TRPM3: variants seen among roughly 807,000 people sequenced by gnomAD.
TRPM3 encodes long transient receptor potential channel 3.
In TRPM3, 77 loss-of-function variants were observed where a neutral mutation model predicts 181.2. That is an observed-to-expected ratio of 0.42 (90% CI 0.35 to 0.51). TRPM3 has a LOEUF of 0.51. TRPM3 is among the 20% of genes least tolerant of loss of function. The probability of loss-of-function intolerance (pLI) is 0.01; values close to 1 mark genes in which losing one functional copy is unlikely to be tolerated. For synonymous variants in TRPM3, 745 were observed against 796.4 expected (o/e 0.94, Z 1.09); for missense variants, 1,759 against 2,196.7 (o/e 0.80, Z 3.98).
At chr9:71,181,259 T>C (rs1240496788) in intron 1 of TRPM3, among the ~76,000 whole-genome samples, 1 of 152,112 alleles carries the variant, frequency 6.6e-6, no homozygotes, top group East Asian at 1.9e-4. Flanking sequence ...TACAGCTCAC[T>C]ACAACTTTGA....
intron 1 of TRPM3, among the ~76,000 whole-genome samples, chr9:71,374,438 A>T (rs1217022922): frequency 2.0e-5 from 3 of 152,082 alleles, no homozygotes. Flanking sequence ...GTATTAAGAG[A>T]TTATACCTCA....
rs559972421 is a variant in TRPM3, at chr9:71,241,165, T to C, written c.183+205488A>G. On this transcript the variant is annotated intron_variant, in intron 1 of 24. Transcript: ENST00000357533. Reference sequence around the variant, plus strand: ...TCTAATAGTTCGTCTAAGTGCAACATCCTCCAAACAGACCTTGAACCTCAG... The same window carrying C: ...TCTAATAGTTCGTCTAAGTGCAACACCCTCCAAACAGACCTTGAACCTCAG... Among the ~76,000 whole-genome samples the C allele has an allele frequency of 4.6e-5, 7 of 152,222 alleles. No homozygotes were observed. In the East Asian group the frequency reaches 1.4e-3, roughly 30 times the overall value.
intron 1 of TRPM3, among the ~76,000 whole-genome samples, chr9:70,909,587 G>T (rs1300337120): frequency 6.6e-6 from 1 of 152,146 alleles, no homozygotes; most frequent in Non-Finnish European, 1.5e-5. Context: ...CCAAAAGGTA[G>T]GGGTTAGAAG....
chr9:70,640,482 C>G, intron 10 of TRPM3, 78 bp downstream of exon 10: 3 of 1,107,322 alleles, frequency 2.7e-6, no homozygotes, highest in Non-Finnish European at 4.0e-6. Flanking sequence ...GTTTTCTGAG[C>G]TGACCTCAGA....
At chr9:70,915,266 A>G (rs530900976) in intron 1 of TRPM3, among the ~76,000 whole-genome samples, 133 of 152,224 alleles carry the variant, frequency 8.7e-4, no homozygotes, top group Non-Finnish European at 7.1e-4. Context: ...AAAATCAAGG[A>G]GAAATTCTGG....
At chr9:70,566,948 C>A (rs2050757743) in intron 22 of TRPM3, among the ~76,000 whole-genome samples, 1 of 152,158 alleles carries the variant, frequency 6.6e-6, no homozygotes, top group African/African-American at 2.4e-5. Flanking sequence ...TTGAGCAAAA[C>A]CAACCTTTAT....
intron 1 of TRPM3, among the ~76,000 whole-genome samples, chr9:71,426,440 T>C (rs1037347589): frequency 2.6e-5 from 4 of 152,022 alleles, no homozygotes; most frequent in Admixed American, 2.0e-4. Flanking sequence ...ATCAAGAAGC[T>C]CACAAGCAAT....
At chr9:71,237,321 G>A (rs2131944848) in intron 1 of TRPM3, among the ~76,000 whole-genome samples, 1 of 152,100 alleles carries the variant, frequency 6.6e-6, no homozygotes, top group South Asian at 2.1e-4. Context: ...CAGTTCTAAA[G>A]TATGACCAAT....
At chr9:70,782,403 G>C (rs2082657191) in intron 7 of TRPM3, among the ~76,000 whole-genome samples, 1 of 151,910 alleles carries the variant, frequency 6.6e-6, no homozygotes, top group South Asian at 2.1e-4. Flanking sequence ...GTAGAGATGG[G>C]GTTTCGCCAT....
intron 1 of TRPM3, among the ~76,000 whole-genome samples, chr9:71,132,525 C>T (rs1222882054): frequency 6.6e-6 from 1 of 152,036 alleles, no homozygotes. Flanking sequence ...TAAAAATGCT[C>T]TATGTCTTGA....
At chr9:71,234,202 C>T (rs906305508) in intron 1 of TRPM3, among the ~76,000 whole-genome samples, 4 of 152,176 alleles carry the variant, frequency 2.6e-5, no homozygotes, top group African/African-American at 7.2e-5. Flanking sequence ...GCTGCATTCA[C>T]GTCCTTACAA....
At chr9:71,237,233 T>C (rs759944370) in intron 1 of TRPM3, among the ~76,000 whole-genome samples, 2 of 152,184 alleles carry the variant, frequency 1.3e-5, no homozygotes, top group Admixed American at 1.3e-4. Context: ...TAATTCAAAA[T>C]TTTGATCAGA....
chr9:71,246,225 A>G (rs763271314), intron 1 of TRPM3, among the ~76,000 whole-genome samples: 39 of 152,176 alleles, frequency 2.6e-4, no homozygotes, highest in Non-Finnish European at 4.9e-4. Context: ...AGAATGTTTT[A>G]TGTTCATCTC....
chr9:71,432,323 C>CTTTTTTTTT (rs67905820), intron 1 of TRPM3, among the ~76,000 whole-genome samples: 4 of 76,618 alleles, frequency 5.2e-5, no homozygotes, highest in East Asian at 3.9e-4. Flanking sequence ...AAAAGTAGGA[C>CTTTTTTTTT]TTTTTTTTTT....
intron 1 of TRPM3, chr9:70,917,156 T>C: frequency 6.2e-7 from 1 of 1,605,920 alleles, no homozygotes; most frequent in South Asian, 1.1e-5. Context: ...TGGGGCATAC[T>C]GGTCCAGTTC....
In TRPM3 at chr9:70,629,718, A is replaced by AG. The variant is rs2065448014; in HGVS notation, c.1633-4202_1633-4201insC. Among the ~76,000 whole-genome samples, 4 of 152,322 alleles carry AG rather than the reference A, an allele frequency of 2.6e-5. No homozygotes were observed. The East Asian group carries it at 5.8e-4, about 22-fold the overall frequency. On this transcript the variant is annotated intron_variant, in intron 12 of 25. Coordinates refer to ENST00000677713, the MANE Select transcript of TRPM3 (RefSeq NM_001366145.2). The stretch of plus-strand genomic sequence containing the variant: ...GTGGATGAAGGATTAGGCGCTAAGG[A>AG]ATGAGTCAGATGCTCTCCTGTAAGT...
At chr9:71,187,028 T>A (rs898669060) in intron 1 of TRPM3, among the ~76,000 whole-genome samples, 3 of 152,054 alleles carry the variant, frequency 2.0e-5, no homozygotes, top group African/African-American at 7.2e-5. Flanking sequence ...TTTGATTAAA[T>A]CTTTTGAAAA....
At chr9:71,092,942 C>G (rs746095140) in intron 1 of TRPM3, among the ~76,000 whole-genome samples, 2 of 152,238 alleles carry the variant, frequency 1.3e-5, no homozygotes, top group East Asian at 1.9e-4. Context: ...AATACCACCA[C>G]GCATCTACAA....
At chr9:71,257,517 T>C (rs930915294) in intron 1 of TRPM3, among the ~76,000 whole-genome samples, 6 of 152,182 alleles carry the variant, frequency 3.9e-5, no homozygotes, top group African/African-American at 9.7e-5. Context: ...TGTGTGATAG[T>C]AATGGCAAAA....
Sources: gnomAD v4.1 joint callset for allele counts (sites outside exome capture counted in the v4.1 genomes callset) on GRCh38, gnomAD v4.1.1 for gene constraint, MANE v1.5 for transcripts, NCBI Gene and HGNC (gene_info 2026-07-23, HGNC 2026-07-21) for gene names.